The following NGLY1 variants were observed in gnomAD, a reference collection of about 807,000 sequenced individuals.
NGLY1 encodes N-glycanase 1.
NGLY1 carries 68 observed loss-of-function variants against 84.6 expected under a neutral mutation model. The ratio of observed to expected loss-of-function variants is 0.80; its 90% CI spans 0.66 to 0.98. The LOEUF (loss-of-function observed/expected upper bound fraction) is 0.98, where lower values mean the gene tolerates loss of function less well. NGLY1 is among the 50% of genes least tolerant of loss of function. The pLI is 0.00. For missense variants in NGLY1, 779 were observed against 770.2 expected (o/e 1.01, Z -0.14); for synonymous variants, 280 against 275.2 (o/e 1.02, Z -0.17).
At chr3:25,781,518 G>C (rs1326339044) in intron 1 of NGLY1, among the ~76,000 whole-genome samples, 1 of 152,074 alleles carries the variant, frequency 6.6e-6, no homozygotes, top group African/African-American at 2.4e-5. Flanking sequence ...GAAAAGCAAC[G>C]CACAAAGACT....
chr3:25,772,343 C>G (rs1397599844), intron 2 of NGLY1, among the ~76,000 whole-genome samples: 1 of 152,088 alleles, frequency 6.6e-6, no homozygotes, highest in Non-Finnish European at 1.5e-5. Context: ...TAGGTGCATA[C>G]ATATTTAGGA....
chr3:25,778,696 A>G lies in NGLY1; in HGVS notation c.132-8T>C, dbSNP rs750383442. The G allele has an allele frequency of 2.0e-5, 31 of 1,546,508 alleles. No homozygotes were observed. Among genetic ancestry groups the G allele is most frequent in the Admixed American group, 3.8e-5 (2 of 52,572 alleles). On this transcript the variant is annotated splice_region_variant and splice_polypyrimidine_tract_variant and intron_variant, in intron 1 of 11. Coordinates refer to ENST00000280700, the MANE Select transcript of NGLY1 (RefSeq NM_018297.4). ...TTTTCATCATTAGGGTTTCTGACAA[A>G]AAACAAAAGTTTGATTATATATAAA...
At position 25,739,791 on chromosome 3, in the gene NGLY1, T is replaced by C. The variant is rs201904265; in HGVS notation, c.667A>G (p.Ile223Val). Residue 223 changes from isoleucine (I) to valine (V), a missense_variant, in exon 5 of 12, where the codon ATA becomes GTA. Transcript: ENST00000280700. ...RARKLDKGIN[I>V]SDEDFLLLEL... ...AGCAAAAGAAAATCCTCATCACTTA[T>C]ATTGATACCTGAGAAATTAAGGGAG... 7.0e-5 allele frequency: 113 copies of C among 1,612,764 alleles called. No individual in the cohort carries two copies. The highest frequency in any genetic ancestry group is 1.8e-5 in the Non-Finnish European group (21 of 1,179,562).
intron 2 of NGLY1, among the ~76,000 whole-genome samples, chr3:25,776,004 A>G (rs1298004063): frequency 2.6e-5 from 4 of 152,222 alleles, no homozygotes; most frequent in Admixed American, 2.0e-4. Flanking sequence ...TATTCTTTAA[A>G]AAGTCCACCA....
At position 25,722,274 on chromosome 3, in the gene NGLY1, C is replaced by CACTTAT. The variant is rs145856271; in HGVS notation, c.1612-2084_1612-2083insATAAGT. 2.0e-5 allele frequency among the ~76,000 whole-genome samples: 3 copies of CACTTAT among 148,558 alleles called. No individual in the cohort carries two copies. In the East Asian group the frequency reaches 6.0e-4, roughly 29 times the overall value. ...ATATTATTAAAGATCTGTATACACACATATATATATATATATATTCATGTT... is the reference window on the plus strand; with the variant it reads ...ATATTATTAAAGATCTGTATACACACACTTATATATATATATATATATATTCATGTT... On this transcript the variant is annotated intron_variant, in intron 10 of 11. Transcript: ENST00000280700.
At chr3:25,731,795 AC>A (rs1442395468) in intron 9 of NGLY1, among the ~76,000 whole-genome samples, 2 of 152,162 alleles carry the variant, frequency 1.3e-5, no homozygotes, top group African/African-American at 4.8e-5. Flanking sequence ...ACAAAGTTAC[AC>A]AAAACAAGCT....
chr3:25,743,251 T>C (rs1706245249), intron 4 of NGLY1, among the ~76,000 whole-genome samples: 1 of 152,170 alleles, frequency 6.6e-6, no homozygotes, highest in Admixed American at 6.5e-5. Context: ...TAAGAATAAA[T>C]TTCTTTTTAT....
At chr3:25,764,999 C>T (rs6807999) in intron 2 of NGLY1, among the ~76,000 whole-genome samples, 6,093 of 152,056 alleles carry the variant, frequency 0.04, 372 homozygotes, top group African/African-American at 0.14. Flanking sequence ...TATAAATATG[C>T]TAAGAATGCT....
intron 1 of NGLY1, among the ~76,000 whole-genome samples, chr3:25,781,193 C>T (rs977368149): frequency 3.9e-5 from 6 of 152,068 alleles, no homozygotes; most frequent in South Asian, 2.1e-4. Context: ...TCAAGCAATC[C>T]GCCCACCTTG....
intron 2 of NGLY1, among the ~76,000 whole-genome samples, chr3:25,765,968 TG>T (rs1707547772): frequency 6.6e-6 from 1 of 151,984 alleles, no homozygotes; most frequent in Admixed American, 6.6e-5. Flanking sequence ...TAACCTCAAA[TG>T]ATCCTCCCAC....
chr3:25,766,687 G>C (rs1253187220), intron 2 of NGLY1, among the ~76,000 whole-genome samples: 1 of 152,116 alleles, frequency 6.6e-6, no homozygotes, highest in Non-Finnish European at 1.5e-5. Context: ...AACCAAATAT[G>C]AAGGCATCTG....
At chr3:25,762,779 C>T (rs1195400238) in intron 3 of NGLY1, among the ~76,000 whole-genome samples, 1 of 152,010 alleles carries the variant, frequency 6.6e-6, no homozygotes, top group African/African-American at 2.4e-5. Context: ...ATGGAGAAAC[C>T]CCGTCTCTAC....
In NGLY1 at chr3:25,751,410, A is replaced by G. The variant is rs570965354; in HGVS notation, c.493-147T>C. ...TATAATAATTATACCCATAAACTTC[A>G]TAACATTAGTATTAGGAGACAGCCA... is the stretch of plus-strand genomic sequence containing the variant. On this transcript the variant is annotated intron_variant, in intron 3 of 11. Transcript: ENST00000280700. 39 of 681,894 alleles carry G rather than the reference A, an allele frequency of 5.7e-5. No homozygotes were observed. In the South Asian group the frequency reaches 1.1e-3, roughly 19 times the overall value. 42.2% of individuals were successfully genotyped at this position (681,894 alleles called of 1,614,324 possible). A position where few individuals can be genotyped will look rare whatever the true frequency, so the allele number is the denominator to read the frequency against.
chr3:25,751,340 T>A, intron 3 of NGLY1, 77 bp from the exon 4 acceptor site: 1 of 1,211,142 alleles, frequency 8.3e-7, no homozygotes, highest in Non-Finnish European at 1.1e-6. Context: ...AAAACTGTGG[T>A]TTTATGATTT....
chr3:25,770,931 T>C (rs1707864013), intron 2 of NGLY1, among the ~76,000 whole-genome samples: 1 of 152,204 alleles, frequency 6.6e-6, no homozygotes, highest in Non-Finnish European at 1.5e-5. Context: ...GAGTTCCTTC[T>C]AGATTCTAGA....
chr3:25,725,107 A>G (rs1399569225), intron 10 of NGLY1, among the ~76,000 whole-genome samples: 2 of 152,238 alleles, frequency 1.3e-5, no homozygotes, highest in African/African-American at 4.8e-5. Flanking sequence ...TGCTGCACAG[A>G]GAGACCAAGA....
At chr3:25,790,028 GCGTGGGAAAGCGCATGAGCGTA>G in exon 1 of NGLY1, 1 of 830,636 alleles carries the variant, frequency 1.2e-6, no homozygotes, top group South Asian at 1.5e-5. Context: ...CGGGACGCGT[GCGTGGGAAAGCGCATGAGCGTA>G]CGTGCGAGCG....
At chr3:25,731,960 A>T (rs1188238062) in intron 9 of NGLY1, among the ~76,000 whole-genome samples, 1 of 152,064 alleles carries the variant, frequency 6.6e-6, no homozygotes, top group Non-Finnish European at 1.5e-5. Flanking sequence ...GGTTCCAGTG[A>T]TCTATTTCTT....
intron 1 of NGLY1, among the ~76,000 whole-genome samples, chr3:25,780,300 G>A (rs529502102): frequency 5.3e-5 from 8 of 152,264 alleles, no homozygotes; most frequent in Admixed American, 5.2e-4. Flanking sequence ...ATGCTACACT[G>A]TCTCACAAGT....
Sources: allele counts gnomAD v4.1 joint callset (sites outside exome capture counted in the v4.1 genomes callset), GRCh38; gene constraint gnomAD v4.1.1; transcripts MANE v1.5; gene names NCBI Gene and HGNC (gene_info 2026-07-23, HGNC 2026-07-21).